KIAA1217: variants seen among roughly 807,000 people sequenced by gnomAD.
KIAA1217 encodes KIAA1217.
KIAA1217 carries 88 observed loss-of-function variants against 163.9 expected under a neutral mutation model. The ratio of observed to expected loss-of-function variants is 0.54; its 90% CI spans 0.45 to 0.64. The LOEUF (loss-of-function observed/expected upper bound fraction) is 0.64. Among genes scored for constraint, KIAA1217 ranks in the 30% least tolerant of loss-of-function variants. The probability of loss-of-function intolerance (pLI) is 0.00; values close to 1 mark genes in which losing one functional copy is unlikely to be tolerated. For synonymous variants in KIAA1217, 903 were observed against 923.1 expected (o/e 0.98, Z 0.39); for missense variants, 2,372 against 2,475.0 (o/e 0.96, Z 0.88).
chr10:24,194,055 C>T (rs867108357), intron 2 of KIAA1217, among the ~76,000 whole-genome samples: 44 of 151,894 alleles, frequency 2.9e-4, no homozygotes, highest in South Asian at 1.5e-3. Context: ...GATGTGGTGG[C>T]GCACACCTGT....
At chr10:24,380,818 C>T (rs41277412) in intron 2 of KIAA1217, 51 bp from the exon 3 acceptor site, 158,562 of 1,315,336 alleles carry the variant, frequency 0.12, 11,099 homozygotes, top group South Asian at 0.29. Context: ...ATATTTTCCA[C>T]ACGATTAATA....
rs570007109 is a variant in KIAA1217, at chr10:24,175,626, T to C, written c.-170-44000T>C. Reference sequence around the variant, plus strand: ...CTCACTGACTTCAAGAATGAAGCCATGGACCCTCGCGGTGAGTGTTACAGT... The same window carrying C: ...CTCACTGACTTCAAGAATGAAGCCACGGACCCTCGCGGTGAGTGTTACAGT... On this transcript the variant is annotated intron_variant, in intron 2 of 18. Transcript: ENST00000376462. Among the ~76,000 whole-genome samples, 3 of 152,284 alleles carry C rather than the reference T, an allele frequency of 2.0e-5. No individual in the cohort carries two copies. The South Asian group carries it at 6.2e-4, about 32-fold the overall frequency.
At chr10:24,056,890 G>T (rs1826183954) in intron 2 of KIAA1217, among the ~76,000 whole-genome samples, 1 of 152,008 alleles carries the variant, frequency 6.6e-6, no homozygotes, top group African/African-American at 2.4e-5. Context: ...TTCTAGAAAT[G>T]AAAAATGTAA....
At chr10:23,898,581 T>C (rs980787006) in intron 1 of KIAA1217, among the ~76,000 whole-genome samples, 3 of 152,110 alleles carry the variant, frequency 2.0e-5, no homozygotes, top group Non-Finnish European at 4.4e-5. Context: ...TTAAAATTTT[T>C]TAAGTGTTTT....
At chr10:23,714,953 T>A (rs1004781380) in intron 1 of KIAA1217, among the ~76,000 whole-genome samples, 18 of 152,172 alleles carry the variant, frequency 1.2e-4, no homozygotes, top group Non-Finnish European at 2.4e-4. Flanking sequence ...ACAATTAAAG[T>A]TGACCCTTCA....
At position 24,364,511 on chromosome 10, in the gene KIAA1217, G is replaced by C. The variant is rs112837394; in HGVS notation, c.355-16358G>C. Among the ~76,000 whole-genome samples, 464 of 152,254 alleles carry C rather than the reference G, an allele frequency of 3.0e-3. 4 individuals carry two copies. The highest frequency in any genetic ancestry group is 0.01 in the African/African-American group (431 of 41,546). On this transcript the variant is annotated intron_variant, in intron 2 of 20. Coordinates refer to ENST00000376454, the MANE Select transcript of KIAA1217 (RefSeq NM_019590.5). ...ATTTTGTAATCCTGAGAAAACTTAT[G>C]TGTGATTATAGGATCCTGAGGCCTA...
At position 24,051,031 on chromosome 10, in the gene KIAA1217, A is replaced by G. The variant is rs528632055; in HGVS notation, c.-171+43657A>G. ...TTTTGGTACACTGATCACCTAAGCA[A>G]TGTACACTCTACCCAATATGTAGTG... On this transcript the variant is annotated intron_variant, in intron 2 of 18. Coordinates refer to the KIAA1217 transcript ENST00000376462. Among the ~76,000 whole-genome samples the G allele has an allele frequency of 6.6e-5, 10 of 152,190 alleles. No homozygotes were observed. The South Asian group carries it at 1.9e-3, about 28-fold the overall frequency.
At chr10:23,810,815 AATT>A (rs1836984145) in intron 1 of KIAA1217, among the ~76,000 whole-genome samples, 1 of 125,136 alleles carries the variant, frequency 8.0e-6, no homozygotes, top group Non-Finnish European at 1.6e-5. Context: ...ACCAAATACT[AATT>A]ATTATATATA....
chr10:23,927,920 G>A (rs551350386), intron 1 of KIAA1217, among the ~76,000 whole-genome samples: 1 of 152,280 alleles, frequency 6.6e-6, no homozygotes, highest in East Asian at 1.9e-4. Flanking sequence ...GGAAAAAATG[G>A]TAATCATAAG....
intron 2 of KIAA1217, among the ~76,000 whole-genome samples, chr10:24,141,225 A>AACC (rs796365302): frequency 3.0e-4 from 23 of 76,256 alleles, no homozygotes; most frequent in South Asian, 1.4e-3. Flanking sequence ...GAAAGAATAA[A>AACC]CCCCCCCCCC....
chr10:24,315,930 G>GT (rs746487865), intron 2 of KIAA1217, among the ~76,000 whole-genome samples: 1 of 25,868 alleles, frequency 3.9e-5, no homozygotes, highest in Non-Finnish European at 7.8e-5. Flanking sequence ...TTTATCTAAT[G>GT]GGGGGGGGGA....
At chr10:24,526,885 T>C (rs1011941006) in intron 13 of KIAA1217, among the ~76,000 whole-genome samples, 6 of 152,182 alleles carry the variant, frequency 3.9e-5, no homozygotes, top group Admixed American at 3.3e-4. Context: ...CTATTATTTA[T>C]ATGTAATGAA....
intron 2 of KIAA1217, among the ~76,000 whole-genome samples, chr10:24,329,334 A>C (rs2045363200): frequency 6.6e-6 from 1 of 150,950 alleles, no homozygotes; most frequent in African/African-American, 2.4e-5. Flanking sequence ...TATTATACAT[A>C]GTGTAAATAT....
intron 2 of KIAA1217, among the ~76,000 whole-genome samples, chr10:24,130,340 A>G (rs535463301): frequency 6.6e-6 from 1 of 152,264 alleles, no homozygotes; most frequent in East Asian, 1.9e-4. Context: ...CTATGTAAAA[A>G]CATGTGTGAT....
intron 1 of KIAA1217, among the ~76,000 whole-genome samples, chr10:23,917,830 G>T (rs1039987033): frequency 2.0e-5 from 3 of 152,184 alleles, no homozygotes; most frequent in Non-Finnish European, 4.4e-5. Flanking sequence ...GCTGTGAAGG[G>T]CCTATGACCC....
chr10:23,842,239 A>C (rs946264660), intron 1 of KIAA1217, among the ~76,000 whole-genome samples: 1 of 152,122 alleles, frequency 6.6e-6, no homozygotes, highest in Non-Finnish European at 1.5e-5. Context: ...TCTGTTTTCC[A>C]ATCTACAAGA....
At chr10:23,853,737 T>A (rs933838978) in intron 1 of KIAA1217, among the ~76,000 whole-genome samples, 8 of 152,182 alleles carry the variant, frequency 5.3e-5, no homozygotes, top group Non-Finnish European at 1.0e-4. Context: ...CCTGGTTTAG[T>A]CTTGGGAGGG....
chr10:24,523,182 A>C (rs2071556123), intron 12 of KIAA1217, among the ~76,000 whole-genome samples: 3 of 151,332 alleles, frequency 2.0e-5, no homozygotes, highest in African/African-American at 7.3e-5. Flanking sequence ...ATTAGCCAGG[A>C]AGGGTGGTAT....
intron 1 of KIAA1217, among the ~76,000 whole-genome samples, chr10:23,802,079 C>A (rs1399614768): frequency 1.3e-5 from 2 of 152,130 alleles, no homozygotes; most frequent in Non-Finnish European, 2.9e-5. Flanking sequence ...TGAGAGACTG[C>A]AGATGGGAGA....
Sources: gnomAD v4.1 joint callset for allele counts (sites outside exome capture counted in the v4.1 genomes callset) on GRCh38, gnomAD v4.1.1 for gene constraint, MANE v1.5 for transcripts, NCBI Gene and HGNC (gene_info 2026-07-23, HGNC 2026-07-21) for gene names.